SLC4A4: variants seen among roughly 807,000 people sequenced by gnomAD.
SLC4A4 encodes solute carrier family 4 member 4, also known as electrogenic sodium bicarbonate cotransporter 1.
SLC4A4 carries 27 observed loss-of-function variants against 111.5 expected under a neutral mutation model. The ratio of observed to expected loss-of-function variants is 0.24; its 90% confidence interval spans 0.18 to 0.33. The LOEUF is 0.33. Ranked by LOEUF, SLC4A4 falls within the 10% of genes least tolerant of loss-of-function variation. The pLI, the probability that SLC4A4 is intolerant of heterozygous loss-of-function variation, is 1.00. For synonymous variants in SLC4A4, 443 were observed against 463.4 expected (o/e 0.96, Z 0.57); for missense variants, 909 against 1,315.5 (o/e 0.69, Z 4.78).
chr4:71,564,147 A>G (rs1321403797), intron 24 of SLC4A4, among the ~76,000 whole-genome samples: 2 of 151,772 alleles, frequency 1.3e-5, no homozygotes, highest in African/African-American at 2.4e-5. Flanking sequence ...TCCAATGGCT[A>G]AATTAATAAC....
chr4:71,543,183 G>A (rs1735219364), intron 18 of SLC4A4, among the ~76,000 whole-genome samples: 1 of 152,122 alleles, frequency 6.6e-6, no homozygotes, highest in Admixed American at 6.6e-5. Flanking sequence ...TGGGTGGGAA[G>A]ACTATTTTGG....
intron 1 of SLC4A4, among the ~76,000 whole-genome samples, chr4:71,235,549 G>A (rs1451453980): frequency 6.6e-6 from 1 of 152,184 alleles, no homozygotes; most frequent in Non-Finnish European, 1.5e-5. Flanking sequence ...AGCAGCATTT[G>A]AGCAATTCAG....
chr4:71,089,482 A>G (rs1227358103), intron 1 of SLC4A4, among the ~76,000 whole-genome samples: 1 of 151,926 alleles, frequency 6.6e-6, no homozygotes, highest in Non-Finnish European at 1.5e-5. Context: ...TCTGATTTTT[A>G]GAGTTTCCAG....
intron 2 of SLC4A4, among the ~76,000 whole-genome samples, chr4:71,168,747 T>C (rs928798069): frequency 1.3e-5 from 2 of 152,156 alleles, no homozygotes; most frequent in Non-Finnish European, 2.9e-5. Context: ...CTTCACATAA[T>C]GACCTCCAGT....
Position 71,374,064 on chromosome 4 carries a change from T to G in SLC4A4, c.730+16877T>G, listed in dbSNP as rs540332767. On this transcript the variant is annotated intron_variant, in intron 6 of 25. Transcript: ENST00000264485. The stretch of plus-strand genomic sequence containing the variant: ...TAGGTTACCCATCATGGGCCAAGAC[T>G]CTTCTAGATTCCTGCTTTGTTATCA... Among the ~76,000 whole-genome samples the G allele has an allele frequency of 1.3e-5, 2 of 152,338 alleles. 1 individual carries two copies. The highest frequency in any genetic ancestry group is 6.8e-3 in the Middle Eastern group (2 of 294).
chr4:71,297,106 A>T (rs1724854626), intron 3 of SLC4A4, among the ~76,000 whole-genome samples: 1 of 152,250 alleles, frequency 6.6e-6, no homozygotes, highest in South Asian at 2.1e-4. Context: ...GGCAAGAGAC[A>T]TTCTGAGGTT....
At chr4:71,449,141 C>G (rs971158014) in intron 9 of SLC4A4, among the ~76,000 whole-genome samples, 2 of 152,122 alleles carry the variant, frequency 1.3e-5, no homozygotes, top group African/African-American at 4.8e-5. Context: ...AAATCAAGAG[C>G]TAAGGCTCTT....
chr4:71,100,295 A>G (rs913852318), intron 2 of SLC4A4, among the ~76,000 whole-genome samples: 2 of 152,208 alleles, frequency 1.3e-5, no homozygotes, highest in African/African-American at 4.8e-5. Flanking sequence ...AGATTGGGTC[A>G]ACATACACAA....
At chr4:71,302,816 T>A (rs758322914) in intron 3 of SLC4A4, among the ~76,000 whole-genome samples, 12 of 152,208 alleles carry the variant, frequency 7.9e-5, no homozygotes, top group Non-Finnish European at 1.8e-4. Context: ...GAAAAGAGGA[T>A]AATGTCATGT....
At position 71,251,016 on chromosome 4, in the gene SLC4A4, A is replaced by C. The variant is rs541573401; in HGVS notation, c.74-4204A>C. Among the ~76,000 whole-genome samples, 6 of 152,314 alleles carry C rather than the reference A, an allele frequency of 3.9e-5. 1 individual carries two copies. Among genetic ancestry groups the C allele is most frequent in the African/African-American group, 1.4e-4 (6 of 41,564 alleles). ...TTGGCATGCTTGTAAGTATTCACTA[A>C]ATAGTTGCTATCATCTGTATGTACA... is the stretch of plus-strand genomic sequence containing the variant. On this transcript the variant is annotated intron_variant, in intron 2 of 25. Coordinates refer to ENST00000264485, the MANE Select transcript of SLC4A4 (RefSeq NM_001098484.3).
At chr4:71,083,091 G>A (rs866051242) in intron 1 of SLC4A4, among the ~76,000 whole-genome samples, 19 of 151,908 alleles carry the variant, frequency 1.3e-4, no homozygotes, top group African/African-American at 3.9e-4. Context: ...GACCTCAGGT[G>A]ATCCACCTGC....
At chr4:71,067,754 T>A (rs1214995962) in intron 1 of SLC4A4, among the ~76,000 whole-genome samples, 2 of 145,526 alleles carry the variant, frequency 1.4e-5, no homozygotes, top group South Asian at 2.2e-4. Context: ...CCTCTTAAAC[T>A]TTTTTTTTTT....
At chr4:71,391,875 A>T (rs1477352349) in intron 6 of SLC4A4, among the ~76,000 whole-genome samples, 1 of 152,094 alleles carries the variant, frequency 6.6e-6, no homozygotes, top group African/African-American at 2.4e-5. Flanking sequence ...AAGAAGCAAC[A>T]TACTTTAGGG....
At chr4:71,409,357 G>T (rs1721154155) in intron 7 of SLC4A4, among the ~76,000 whole-genome samples, 1 of 152,170 alleles carries the variant, frequency 6.6e-6, no homozygotes, top group South Asian at 2.1e-4. Flanking sequence ...ATACTGATAT[G>T]AACAATAAGG....
At chr4:71,555,239 T>C (rs1316672659) in intron 21 of SLC4A4, 31 bp downstream of exon 21, 1 of 1,432,310 alleles carries the variant, frequency 7.0e-7, no homozygotes, top group Admixed American at 1.7e-5. Context: ...GTAAGTACAG[T>C]AGTGTTTTTC....
chr4:71,076,801 G>A (rs1226328988), intron 1 of SLC4A4, among the ~76,000 whole-genome samples: 1 of 151,880 alleles, frequency 6.6e-6, no homozygotes, highest in African/African-American at 2.4e-5. Context: ...GACCAGCTGG[G>A]GCAACATGGC....
intron 7 of SLC4A4, among the ~76,000 whole-genome samples, chr4:71,418,892 G>C (rs1187805070): frequency 6.6e-6 from 1 of 152,148 alleles, no homozygotes; most frequent in African/African-American, 2.4e-5. Flanking sequence ...CTTTCTCTTT[G>C]TTAGTTTTCC....
chr4:71,236,487 C>A, intron 1 of SLC4A4, 89 bp from the exon 2 acceptor site: 1 of 1,181,056 alleles, frequency 8.5e-7, no homozygotes. Context: ...CAACAGCTTG[C>A]AGGTTAACCT....
intron 3 of SLC4A4, among the ~76,000 whole-genome samples, chr4:71,265,476 A>T (rs1312889215): frequency 6.6e-6 from 1 of 152,156 alleles, no homozygotes; most frequent in Non-Finnish European, 1.5e-5. Context: ...AAGGAGAGAG[A>T]GGAGATGATT....
Sources: allele counts gnomAD v4.1 joint callset (sites outside exome capture counted in the v4.1 genomes callset), GRCh38; gene constraint gnomAD v4.1.1; transcripts MANE v1.5; gene names NCBI Gene and HGNC (gene_info 2026-07-23, HGNC 2026-07-21).